The following PRKCA variants were observed in gnomAD, a reference collection of about 807,000 sequenced individuals.
PRKCA encodes the protein protein kinase C alpha type.
Under a neutral mutation model 87.0 loss-of-function variants are expected in PRKCA, and 27 were observed. That is an observed-to-expected ratio of 0.31 (90% CI 0.23 to 0.43). PRKCA has a LOEUF of 0.43. PRKCA is among the 20% of genes least tolerant of loss of function. The pLI is 1.00. For missense variants in PRKCA, 518 were observed against 852.3 expected, an observed-to-expected ratio of 0.61 and a Z score of 4.88; for synonymous variants, 329 against 311.1, an observed-to-expected ratio of 1.06 and a Z score of -0.61.
At chr17:66,363,858 A>G (rs1335645807) in intron 2 of PRKCA, among the ~76,000 whole-genome samples, 1 of 152,082 alleles carries the variant, frequency 6.6e-6, no homozygotes, top group Non-Finnish European at 1.5e-5. Flanking sequence ...GCGTGCCACC[A>G]TGCCTGGCTA....
At chr17:66,636,082 T>C (rs1971144771) in intron 3 of PRKCA, among the ~76,000 whole-genome samples, 1 of 152,192 alleles carries the variant, frequency 6.6e-6, no homozygotes, top group Non-Finnish European at 1.5e-5. Flanking sequence ...CACCTGACGT[T>C]TTAAAAATGC....
intron 8 of PRKCA, among the ~76,000 whole-genome samples, chr17:66,730,178 C>T (rs1598902665): frequency 6.6e-6 from 1 of 152,162 alleles, no homozygotes; most frequent in African/African-American, 2.4e-5. Flanking sequence ...TGTATTTGTT[C>T]AGCCAGAGAG....
At position 66,661,384 on chromosome 17, in the gene PRKCA, GA is replaced by G. The variant is rs1971900801; in HGVS notation, c.529+15876del. Among the ~76,000 whole-genome samples the G allele has an allele frequency of 2.0e-5, 3 of 152,358 alleles. No individual in the cohort carries two copies. In the South Asian group the frequency reaches 6.2e-4, roughly 32 times the overall value. On this transcript the variant is annotated intron_variant, in intron 5 of 16. Coordinates refer to ENST00000413366, the MANE Select transcript of PRKCA (RefSeq NM_002737.3). Reference sequence around the variant, plus strand: ...ACTGTAGGTAATGCAACACTGCCATGAAACGTGAGCCAGGGTTGTGCAGGAA... The same window carrying G: ...ACTGTAGGTAATGCAACACTGCCATGAACGTGAGCCAGGGTTGTGCAGGAA...
At chr17:66,620,421 A>G (rs113110731) in intron 3 of PRKCA, among the ~76,000 whole-genome samples, 2 of 152,324 alleles carry the variant, frequency 1.3e-5, no homozygotes, top group African/African-American at 2.4e-5. Context: ...GGAAGCACCT[A>G]TAACAGGAAA....
chr17:66,356,139 C>T (rs940021307), intron 2 of PRKCA, among the ~76,000 whole-genome samples: 18 of 151,962 alleles, frequency 1.2e-4, no homozygotes, highest in Admixed American at 3.3e-4. Flanking sequence ...TCTCAGGTGA[C>T]CCACCCACCT....
At chr17:66,595,463 CTTT>C (rs374376124) in intron 3 of PRKCA, among the ~76,000 whole-genome samples, 11 of 116,550 alleles carry the variant, frequency 9.4e-5, no homozygotes, top group East Asian at 2.2e-4. Context: ...TCTTTTCCTT[CTTT>C]TTTTTTTTTT....
intron 2 of PRKCA, among the ~76,000 whole-genome samples, chr17:66,481,087 T>G (rs1196853146): frequency 6.6e-6 from 1 of 152,134 alleles, no homozygotes; most frequent in African/African-American, 2.4e-5. Flanking sequence ...TTCTCAGCAC[T>G]AGCGTCATTT....
chr17:66,347,655 A>G (rs544539593), intron 2 of PRKCA, among the ~76,000 whole-genome samples: 1 of 152,334 alleles, frequency 6.6e-6, no homozygotes, highest in South Asian at 2.1e-4. Flanking sequence ...CACAATTATT[A>G]GTATCACCAT....
At chr17:66,612,246 T>G (rs1161966567) in intron 3 of PRKCA, among the ~76,000 whole-genome samples, 1 of 151,912 alleles carries the variant, frequency 6.6e-6, no homozygotes, top group Non-Finnish European at 1.5e-5. Flanking sequence ...CTGGGCATGG[T>G]GGCAGGCGCC....
At chr17:66,315,858 CT>C (rs1403049810) in intron 2 of PRKCA, among the ~76,000 whole-genome samples, 35 of 152,260 alleles carry the variant, frequency 2.3e-4, no homozygotes, top group Non-Finnish European at 4.3e-4. Context: ...ACATGGACCT[CT>C]GTTTAGTCTA....
At chr17:66,484,575 A>G (rs751876608) in intron 2 of PRKCA, among the ~76,000 whole-genome samples, 7 of 152,154 alleles carry the variant, frequency 4.6e-5, no homozygotes, top group East Asian at 3.8e-4. Flanking sequence ...TAATTTCCCA[A>G]TGTTCTTCAG....
intron 2 of PRKCA, among the ~76,000 whole-genome samples, chr17:66,406,541 A>G (rs1188544410): frequency 7.1e-6 from 1 of 141,708 alleles, no homozygotes; most frequent in Non-Finnish European, 1.5e-5. Flanking sequence ...GCAGGGCAGA[A>G]AACGCTGCCC....
chr17:66,566,287 C>T (rs1362215711), intron 3 of PRKCA, among the ~76,000 whole-genome samples: 1 of 152,050 alleles, frequency 6.6e-6, no homozygotes, highest in African/African-American at 2.4e-5. Context: ...TCAAAGTTCC[C>T]TTACTTTTTT....
chr17:66,644,093 A>G (rs980054802), intron 4 of PRKCA, among the ~76,000 whole-genome samples: 6 of 152,218 alleles, frequency 3.9e-5, no homozygotes, highest in African/African-American at 4.8e-5. Context: ...AGCAATATAC[A>G]TAACACAGCT....
At chr17:66,437,889 T>C (rs755931171) in intron 2 of PRKCA, among the ~76,000 whole-genome samples, 2 of 152,032 alleles carry the variant, frequency 1.3e-5, no homozygotes, top group Non-Finnish European at 2.9e-5. Flanking sequence ...CTCACTTATG[T>C]CTATAAATAC....
intron 3 of PRKCA, among the ~76,000 whole-genome samples, chr17:66,564,704 G>A (rs866208174): frequency 1.3e-5 from 2 of 152,110 alleles, no homozygotes; most frequent in Non-Finnish European, 2.9e-5. Context: ...AGTGCCAGCC[G>A]GGTGCAGTGG....
chr17:66,326,264 T>TA (rs1300839174), intron 2 of PRKCA, among the ~76,000 whole-genome samples: 2 of 152,256 alleles, frequency 1.3e-5, no homozygotes, highest in South Asian at 2.1e-4. Flanking sequence ...TGACATTTCA[T>TA]AAAAAAAGGT....
chr17:66,676,393 G>A (rs1241293540), intron 5 of PRKCA: 1 of 152,248 alleles, frequency 6.6e-6, no homozygotes, highest in Non-Finnish European at 1.5e-5. Flanking sequence ...AGCAGGACAA[G>A]CCCTGAGCTC....
intron 8 of PRKCA, chr17:66,703,213 A>C (rs2144100678): frequency 6.6e-6 from 1 of 152,354 alleles, no homozygotes; most frequent in Middle Eastern, 3.4e-3. Flanking sequence ...TAACACTTAA[A>C]ACACAAATAC....
Sources: allele counts gnomAD v4.1 joint callset (sites outside exome capture counted in the v4.1 genomes callset), GRCh38; gene constraint gnomAD v4.1.1; transcripts MANE v1.5; gene names NCBI Gene and HGNC (gene_info 2026-07-23, HGNC 2026-07-21).